GRIN2B: variants seen among roughly 807,000 people sequenced by gnomAD.
GRIN2B encodes the protein glutamate receptor ionotropic, NMDA 2B.
In GRIN2B, 5 loss-of-function variants were observed where a neutral mutation model predicts 114.5. That is an observed-to-expected ratio of 0.04 (90% CI 0.02 to 0.09). The LOEUF (loss-of-function observed/expected upper bound fraction) is 0.09. GRIN2B is among the 10% of genes least tolerant of loss of function. The probability of loss-of-function intolerance (pLI) is 1.00; values close to 1 mark genes in which losing one functional copy is unlikely to be tolerated. For synonymous variants in GRIN2B, 787 were observed against 745.1 expected (o/e 1.06, Z -0.92); for missense variants, 1,108 against 1,943.5 (o/e 0.57, Z 8.08).
At chr12:13,712,227 T>C (rs1950421004) in intron 4 of GRIN2B, among the ~76,000 whole-genome samples, 1 of 128,816 alleles carries the variant, frequency 7.8e-6, no homozygotes, top group Admixed American at 8.6e-5. Flanking sequence ...CGGGGCCTGT[T>C]GTAGGGTGGG....
intron 2 of GRIN2B, among the ~76,000 whole-genome samples, chr12:13,895,513 G>T (rs1000803266): frequency 6.6e-6 from 1 of 152,142 alleles, no homozygotes; most frequent in African/African-American, 2.4e-5. Flanking sequence ...AGAGGCTAAA[G>T]CACGTCTGTT....
intron 4 of GRIN2B, among the ~76,000 whole-genome samples, chr12:13,699,219 C>A (rs1307180484): frequency 6.6e-6 from 1 of 152,114 alleles, no homozygotes; most frequent in East Asian, 1.9e-4. Context: ...GTATTATATG[C>A]CTTGGGAAAG....
rs530683921 is a variant in GRIN2B, at chr12:13,864,612, T to G, written c.411+1186A>C. ...GCTGTATCTAAGTAATGAACAATAATCAGTAAAGCAAGGAAAATAACTGAA... is the reference window on the plus strand; with the variant it reads ...GCTGTATCTAAGTAATGAACAATAAGCAGTAAAGCAAGGAAAATAACTGAA... On this transcript the variant is annotated intron_variant, in intron 3 of 13. Transcript: ENST00000609686. 3.3e-5 allele frequency among the ~76,000 whole-genome samples: 5 copies of G among 152,178 alleles called. No individual in the cohort carries two copies. In the South Asian group the frequency reaches 8.3e-4, roughly 25 times the overall value.
At position 13,564,492 on chromosome 12, in the gene GRIN2B, C is replaced by T. The variant is rs1485551866; in HGVS notation, c.2746G>A (p.Gly916Ser). The T allele has an allele frequency of 1.2e-6, 2 of 1,614,232 alleles. No homozygotes were observed. Among genetic ancestry groups the T allele is most frequent in the Non-Finnish European group, 1.7e-6 (2 of 1,180,044 alleles). ...KNMANLSGVN[G>S]SPQSALDFIR... ...AAGTCCAGGGCGCTCTGCGGTGAGCCATTCACACCAGACAGGTTAGCCATG... is the reference window on the plus strand; with the variant it reads ...AAGTCCAGGGCGCTCTGCGGTGAGCTATTCACACCAGACAGGTTAGCCATG... Residue 916 changes from glycine (G) to serine (S), a missense_variant, in exon 14 of 14, where the codon GGC (glycine) becomes AGC (serine). Gly to Ser is a moderately conservative substitution (Grantham distance 56). Transcript: ENST00000609686. This position sits in a 1 kb window ranked among gnomAD's most constrained non-coding sequence, Gnocchi z 4.8.
At chr12:13,648,959 G>A (rs1949789042) in intron 5 of GRIN2B, among the ~76,000 whole-genome samples, 1 of 152,012 alleles carries the variant, frequency 6.6e-6, no homozygotes, top group African/African-American at 2.4e-5. Context: ...AGAAGAAAGA[G>A]GGATAAGAAG....
intron 2 of GRIN2B, among the ~76,000 whole-genome samples, chr12:13,916,357 T>C (rs2136806219): frequency 6.6e-6 from 1 of 152,318 alleles, no homozygotes; most frequent in South Asian, 2.1e-4. Flanking sequence ...AAACTGAGAT[T>C]GGCCCTAAGA....
At chr12:13,705,205 T>G (rs1950349266) in intron 4 of GRIN2B, among the ~76,000 whole-genome samples, 1 of 152,190 alleles carries the variant, frequency 6.6e-6, no homozygotes, top group African/African-American at 2.4e-5. Context: ...GCCTTAGCTT[T>G]TCCCTATTAC....
chr12:13,922,639 G>A (rs1362238132), intron 2 of GRIN2B, among the ~76,000 whole-genome samples: 2 of 152,148 alleles, frequency 1.3e-5, no homozygotes, highest in African/African-American at 4.8e-5. Context: ...GGTAAGTCCG[G>A]TTTTATTTAA....
In GRIN2B at chr12:13,562,647, G is replaced by A; in HGVS notation, c.*136C>T. The A allele has an allele frequency of 2.5e-6, 2 of 794,446 alleles. No homozygotes were observed. Among genetic ancestry groups the A allele is most frequent in the South Asian group, 1.5e-5 (1 of 66,538 alleles). The allele number at this position is 794,446 out of a possible 1,614,324, so 49.2% of individuals were successfully genotyped here. On this transcript the variant is annotated 3_prime_UTR_variant, in exon 14 of 14. Coordinates refer to ENST00000609686, the MANE Select transcript of GRIN2B (RefSeq NM_000834.5). Reference sequence around the variant, plus strand: ...GCCCCCAGTAGGAACCAGAACTCCAGGATCCCATAAATAAATTAAAACAAG... The same window carrying A: ...GCCCCCAGTAGGAACCAGAACTCCAAGATCCCATAAATAAATTAAAACAAG...
At chr12:13,784,113 A>G (rs1864175523) in intron 3 of GRIN2B, among the ~76,000 whole-genome samples, 1 of 150,768 alleles carries the variant, frequency 6.6e-6, no homozygotes, top group African/African-American at 2.4e-5. Context: ...AGTCCCAGCT[A>G]TTCAGGAGGC....
At position 13,548,726 on chromosome 12, in the gene GRIN2B, A is replaced by C. The variant is rs184363403; in HGVS notation, c.*14057T>G. 4 of 152,094 alleles carry C rather than the reference A, an allele frequency of 2.6e-5. No homozygotes were observed. Among genetic ancestry groups the C allele is most frequent in the Admixed American group, 6.5e-5 (1 of 15,270 alleles). 9.4% of individuals were successfully genotyped at this position (152,094 alleles called of 1,614,324 possible). A position where few individuals can be genotyped will look rare whatever the true frequency, so the allele number is the denominator to read the frequency against. On this transcript the variant is annotated 3_prime_UTR_variant, in exon 14 of 14. Transcript: ENST00000609686. The stretch of plus-strand genomic sequence containing the variant: ...GATTTTATGTGAATTATTGGGAGGC[A>C]AAAGGACAAGGGAAAAATGAGATTT...
chr12:13,840,882 A>G (rs1865366728), intron 3 of GRIN2B, among the ~76,000 whole-genome samples: 1 of 152,204 alleles, frequency 6.6e-6, no homozygotes, highest in Admixed American at 6.5e-5. Context: ...CTAAAAATAT[A>G]AGAACTCCTT....
At chr12:13,922,319 C>A (rs1317877962) in intron 2 of GRIN2B, among the ~76,000 whole-genome samples, 1 of 152,140 alleles carries the variant, frequency 6.6e-6, no homozygotes, top group Non-Finnish European at 1.5e-5. Context: ...TGTCTGAGCT[C>A]AAACCCCCGC....
intron 2 of GRIN2B, among the ~76,000 whole-genome samples, chr12:13,969,280 C>T (rs758982620): frequency 5.3e-5 from 8 of 151,810 alleles, no homozygotes; most frequent in Non-Finnish European, 1.0e-4. Flanking sequence ...CAAGTACAGG[C>T]TGTTTATGAG....
At chr12:13,589,627 C>T (rs981263104) in intron 10 of GRIN2B, among the ~76,000 whole-genome samples, 2 of 152,252 alleles carry the variant, frequency 1.3e-5, no homozygotes, top group East Asian at 1.9e-4. Context: ...GAAAAGTAGG[C>T]GGTGAGACTG....
chr12:13,676,428 T>C (rs1950075062), intron 4 of GRIN2B, among the ~76,000 whole-genome samples: 1 of 152,170 alleles, frequency 6.6e-6, no homozygotes, highest in Admixed American at 6.6e-5. Flanking sequence ...CTCAGCCTTT[T>C]TGAGCCTCTG....
At chr12:13,674,471 T>A (rs1950052242) in intron 5 of GRIN2B, among the ~76,000 whole-genome samples, 1 of 152,030 alleles carries the variant, frequency 6.6e-6, no homozygotes, top group African/African-American at 2.4e-5. Flanking sequence ...AAGAATTAGA[T>A]CCTGGATTCT....
At chr12:13,911,838 T>C (rs1866631917) in intron 2 of GRIN2B, among the ~76,000 whole-genome samples, 1 of 152,150 alleles carries the variant, frequency 6.6e-6, no homozygotes, top group African/African-American at 2.4e-5. Flanking sequence ...TCTGTTTTTT[T>C]CCAACCCCTC....
intron 4 of GRIN2B, among the ~76,000 whole-genome samples, chr12:13,703,921 G>A (rs1950335079): frequency 6.6e-6 from 1 of 152,052 alleles, no homozygotes; most frequent in African/African-American, 2.4e-5. Flanking sequence ...AACTCATACA[G>A]AAATATACCC....
Sources: allele counts gnomAD v4.1 joint callset (sites outside exome capture counted in the v4.1 genomes callset), GRCh38; gene constraint gnomAD v4.1.1; non-coding constraint Gnocchi (gnomAD v3.1); transcripts MANE v1.5; gene names NCBI Gene and HGNC (gene_info 2026-07-23, HGNC 2026-07-21).